MSH3: variants seen among roughly 807,000 people sequenced by gnomAD.
MSH3 encodes DNA mismatch repair protein Msh3.
Under a neutral mutation model 123.3 loss-of-function variants are expected in MSH3, and 106 were observed. The ratio of observed to expected loss-of-function variants is 0.86; its 90% CI spans 0.73 to 1.01. The LOEUF (loss-of-function observed/expected upper bound fraction) is 1.01, where lower values mean the gene tolerates loss of function less well. MSH3 is among the 50% of genes least tolerant of loss of function. MSH3 has a pLI of 0.00. For synonymous variants in MSH3, 515 were observed against 481.4 expected, an observed-to-expected ratio of 1.07 and a Z score of -0.91; for missense variants, 1,459 against 1,347.6, an observed-to-expected ratio of 1.08 and a Z score of -1.29.
intron 3 of MSH3, among the ~76,000 whole-genome samples, chr5:80,666,265 A>T (rs534243266): frequency 4.6e-5 from 7 of 152,186 alleles, no homozygotes; most frequent in Non-Finnish European, 1.0e-4. Context: ...AAATGGTTCT[A>T]TATATGTATA....
At chr5:80,792,434 A>AG (rs1318199576) in intron 18 of MSH3, among the ~76,000 whole-genome samples, 1 of 151,724 alleles carries the variant, frequency 6.6e-6, no homozygotes, top group Non-Finnish European at 1.5e-5. Context: ...AAGAAAGAAA[A>AG]GAAAAAAAAG....
chr5:80,844,334 T>C (rs189170135), intron 20 of MSH3, among the ~76,000 whole-genome samples: 61 of 152,302 alleles, frequency 4.0e-4, no homozygotes, highest in Middle Eastern at 3.4e-3. Context: ...TGGTCAATTT[T>C]AGAATAATTG....
intron 8 of MSH3, among the ~76,000 whole-genome samples, chr5:80,694,102 T>C (rs1271023398): frequency 6.6e-6 from 1 of 152,192 alleles, no homozygotes; most frequent in African/African-American, 2.4e-5. Context: ...GAGATGGCAT[T>C]AGACATCCTG....
rs148618644 is a variant in MSH3 at position 80,782,422 on chromosome 5, A to G, written c.2435+3586A>G. Among the ~76,000 whole-genome samples, 279 of 152,150 alleles carry G rather than the reference A, an allele frequency of 1.8e-3. 1 individual carries two copies. Among genetic ancestry groups the G allele is most frequent in the African/African-American group, 6.1e-3 (255 of 41,510 alleles). Reference sequence around the variant, plus strand: ...ACTGCTATTTATTTATAGCATTTACATTGTATTATGTGTTATAAGTAATCT... The same window carrying G: ...ACTGCTATTTATTTATAGCATTTACGTTGTATTATGTGTTATAAGTAATCT... On this transcript the variant is annotated intron_variant, in intron 17 of 23. Coordinates refer to ENST00000265081, the MANE Select transcript of MSH3 (RefSeq NM_002439.5).
Position 80,741,445 on chromosome 5 carries a change from A to G in MSH3, c.1569-19A>G, listed in dbSNP as rs989064203. The G allele has an allele frequency of 6.8e-7, 1 of 1,461,370 alleles. No individual in the cohort carries two copies. The allele number at this position is 1,461,370 out of a possible 1,614,324, so 90.5% of individuals were successfully genotyped here. A position where few individuals can be genotyped will look rare whatever the true frequency, so the allele number is the denominator to read the frequency against. On this transcript the variant is annotated intron_variant, in intron 10 of 23. Transcript: ENST00000265081. ...TTATGCACTTACATCTAGGCTAATTATATTTGATTCTTTTACAGGAATTTT... is the reference window on the plus strand; with the variant it reads ...TTATGCACTTACATCTAGGCTAATTGTATTTGATTCTTTTACAGGAATTTT...
At chr5:80,855,090 A>G (rs1375317104) in intron 21 of MSH3, among the ~76,000 whole-genome samples, 1 of 151,862 alleles carries the variant, frequency 6.6e-6, no homozygotes, top group Non-Finnish European at 1.5e-5. Context: ...TTCAGTGTAA[A>G]ATTTTGTTTG....
chr5:80,866,068 A>C (rs1481787262), intron 22 of MSH3, among the ~76,000 whole-genome samples: 1 of 152,236 alleles, frequency 6.6e-6, no homozygotes, highest in African/African-American at 2.4e-5. Context: ...TACGCATTTG[A>C]TGTGAACTGA....
Position 80,790,578 on chromosome 5 carries a change from GAAAAT to G in MSH3, c.2544-2154_2544-2150del, listed in dbSNP as rs572429480. Among the ~76,000 whole-genome samples, 5 of 152,240 alleles carry G rather than the reference GAAAAT, an allele frequency of 3.3e-5. No homozygotes were observed. In the South Asian group the frequency reaches 1.0e-3, roughly 32 times the overall value. On this transcript the variant is annotated intron_variant, in intron 18 of 23. Transcript: ENST00000265081. ...ATAATATAAAAGTCTAAAATGAAAA[GAAAAT>G]GAGAGAATGATGATGCAGAAGTGAG... is the stretch of plus-strand genomic sequence containing the variant.
Position 80,707,925 on chromosome 5 carries a change from A to G in MSH3, c.1341-17528A>G, listed in dbSNP as rs6151696. Among the ~76,000 whole-genome samples, 955 of 152,280 alleles carry G rather than the reference A, an allele frequency of 6.3e-3. 7 individuals carry two copies. Among genetic ancestry groups the G allele is most frequent in the African/African-American group, 0.022 (918 of 41,560 alleles). On this transcript the variant is annotated intron_variant, in intron 8 of 23. Coordinates refer to ENST00000265081, the MANE Select transcript of MSH3 (RefSeq NM_002439.5). ...TTTAACTTGCTTTTTCTTGATGACTAGTGATGTTTTCATGTGCCTATTGGT... is the reference window on the plus strand; with the variant it reads ...TTTAACTTGCTTTTTCTTGATGACTGGTGATGTTTTCATGTGCCTATTGGT...
chr5:80,766,653 C>T (rs566647863), intron 13 of MSH3, among the ~76,000 whole-genome samples: 2 of 150,150 alleles, frequency 1.3e-5, no homozygotes, highest in East Asian at 1.9e-4. Flanking sequence ...GGTTTTATGC[C>T]GTTTTAAACA....
chr5:80,775,152 CAT>C (rs2112889706), intron 15 of MSH3, among the ~76,000 whole-genome samples: 2 of 152,210 alleles, frequency 1.3e-5, no homozygotes, highest in African/African-American at 4.8e-5. Flanking sequence ...AGAAAACTCT[CAT>C]ATGGGAAGAA....
chr5:80,762,790 T>TTTATTTTATGTTATG (rs1554072034), intron 13 of MSH3, among the ~76,000 whole-genome samples: 95 of 132,976 alleles, frequency 7.1e-4, no homozygotes, highest in African/African-American at 1.9e-3. Flanking sequence ...TTTATTTTAT[T>TTTATTTTATGTTATG]TTATGTTATG....
At chr5:80,824,398 C>A (rs1468358040) in intron 20 of MSH3, among the ~76,000 whole-genome samples, 1 of 149,292 alleles carries the variant, frequency 6.7e-6, no homozygotes, top group East Asian at 2.0e-4. Flanking sequence ...ACGGGGGCTG[C>A]CCCCCACCTC....
intron 15 of MSH3, among the ~76,000 whole-genome samples, chr5:80,773,141 T>C (rs1272897875): frequency 6.6e-6 from 1 of 152,194 alleles, no homozygotes; most frequent in East Asian, 1.9e-4. Flanking sequence ...TGTTAGTCAT[T>C]ATGCATCTGG....
At chr5:80,771,894 A>G (rs1744218130) in intron 15 of MSH3, among the ~76,000 whole-genome samples, 1 of 152,238 alleles carries the variant, frequency 6.6e-6, no homozygotes, top group Non-Finnish European at 1.5e-5. Flanking sequence ...ATTGGCTTAG[A>G]AGAAATTAAT....
rs771375855 is a variant in MSH3, at chr5:80,768,864, A to G, written c.2114A>G (p.Asp705Gly). The G allele has an allele frequency of 3.2e-5, 51 of 1,610,392 alleles. No individual in the cohort carries two copies. Among genetic ancestry groups the G allele is most frequent in the Non-Finnish European group, 4.1e-5 (48 of 1,177,084 alleles). ...GGGGATAAAACTGAATTATTTAAAG[A>G]CCTTTCTGACTTCCCTTTAATAAAA... ...KVGDKTELFK[D>G]LSDFPLIKKR... The change falls in exon 15 of 24, where the codon GAC becomes GGC. Residue 705 changes from aspartate (D) to glycine (G), a missense_variant. Physicochemically the swap from Asp to Gly is moderately conservative, Grantham distance 94 (BLOSUM62 -1). Coordinates refer to ENST00000265081, the MANE Select transcript of MSH3 (RefSeq NM_002439.5).
At chr5:80,758,478 G>A (rs1003449124) in intron 12 of MSH3, among the ~76,000 whole-genome samples, 1 of 152,162 alleles carries the variant, frequency 6.6e-6, no homozygotes, top group Non-Finnish European at 1.5e-5. Flanking sequence ...ACTAGGACAA[G>A]GCTAAATAAT....
chr5:80,873,396 C>G, intron 23 of MSH3, 109 bp downstream of exon 23: 3 of 1,076,946 alleles, frequency 2.8e-6, no homozygotes, highest in Non-Finnish European at 4.1e-6. Flanking sequence ...TTAAGCACCT[C>G]TTCAAATATT....
At chr5:80,844,661 C>T (rs1344672712) in intron 20 of MSH3, among the ~76,000 whole-genome samples, 1 of 151,932 alleles carries the variant, frequency 6.6e-6, no homozygotes, top group Non-Finnish European at 1.5e-5. Context: ...TAATGCCCTT[C>T]TTTGTCTCTT....
Sources: allele counts gnomAD v4.1 joint callset (sites outside exome capture counted in the v4.1 genomes callset), GRCh38; gene constraint gnomAD v4.1.1; transcripts MANE v1.5; gene names NCBI Gene and HGNC (gene_info 2026-07-23, HGNC 2026-07-21).